The following NFIA variants were observed in gnomAD, a reference collection of about 807,000 sequenced individuals.
NFIA encodes the protein nuclear factor I A, also known as nuclear factor 1 A-type.
Under a neutral mutation model 62.8 loss-of-function variants are expected in NFIA, and 8 were observed. That is an observed-to-expected ratio of 0.13 (90% CI 0.07 to 0.23). NFIA has a LOEUF of 0.23. Among genes scored for constraint, NFIA ranks in the 10% least tolerant of loss-of-function variants. NFIA has a pLI of 1.00. For synonymous variants in NFIA, 235 were observed against 238.1 expected, an observed-to-expected ratio of 0.99 and a Z score of 0.12; for missense variants, 410 against 642.1, an observed-to-expected ratio of 0.64 and a Z score of 3.91.
chr1:61,155,884 C>CGCA (rs1557602838), intron 2 of NFIA, among the ~76,000 whole-genome samples: 1 of 152,084 alleles, frequency 6.6e-6, no homozygotes, highest in African/African-American at 2.4e-5. Flanking sequence ...CGCCTGTAAT[C>CGCA]GCAGCACTTT....
intron 3 of NFIA, among the ~76,000 whole-genome samples, chr1:61,310,176 G>A (rs543566061): frequency 6.6e-6 from 1 of 152,004 alleles, no homozygotes; most frequent in African/African-American, 2.4e-5. Flanking sequence ...TCTTTAGTGT[G>A]CTGGGCCGAT....
intron 2 of NFIA, among the ~76,000 whole-genome samples, chr1:61,245,554 G>C (rs1195129253): frequency 6.6e-6 from 1 of 152,066 alleles, no homozygotes; most frequent in African/African-American, 2.4e-5. Context: ...AATTACGTAG[G>C]TAAAGAGTGA....
At chr1:61,418,527 A>C (rs1340313501) in intron 9 of NFIA, among the ~76,000 whole-genome samples, 2 of 152,090 alleles carry the variant, frequency 1.3e-5, no homozygotes, top group East Asian at 1.9e-4. Flanking sequence ...CATATTTCCC[A>C]GTCATTTTCT....
At chr1:61,438,963 G>A (rs1391137388) in intron 10 of NFIA, among the ~76,000 whole-genome samples, 1 of 150,052 alleles carries the variant, frequency 6.7e-6, no homozygotes, top group Non-Finnish European at 1.5e-5. Flanking sequence ...CCAAGGTGAA[G>A]GCTTCGTTTT....
In NFIA at chr1:61,387,355, G is replaced by A. The variant is rs189100122; in HGVS notation, c.1075+3990G>A. 5.7e-4 allele frequency among the ~76,000 whole-genome samples: 87 copies of A among 152,226 alleles called. No individual in the cohort carries two copies. In the South Asian group the frequency reaches 0.011, roughly 20 times the overall value. On this transcript the variant is annotated intron_variant, in intron 7 of 10. Coordinates refer to ENST00000403491, the MANE Select transcript of NFIA (RefSeq NM_001134673.4). ...GTGCCTGGAAGTACAGTATGCACGT[G>A]GGTCATACAATTAAATAATCCTTTT... is the stretch of plus-strand genomic sequence containing the variant.
At chr1:61,199,862 G>T (rs1370204187) in intron 2 of NFIA, among the ~76,000 whole-genome samples, 1 of 151,434 alleles carries the variant, frequency 6.6e-6, no homozygotes, top group African/African-American at 2.4e-5. Flanking sequence ...GGGCGTGGTT[G>T]TGCGTGCCTG....
intron 10 of NFIA, among the ~76,000 whole-genome samples, chr1:61,442,007 G>C (rs1024473974): frequency 6.6e-6 from 1 of 151,816 alleles, no homozygotes; most frequent in Non-Finnish European, 1.5e-5. Flanking sequence ...AAGAACTGCC[G>C]GATGAAACTC....
At chr1:61,116,046 G>T (rs1646788713) in intron 2 of NFIA, among the ~76,000 whole-genome samples, 1 of 148,836 alleles carries the variant, frequency 6.7e-6, no homozygotes, top group Non-Finnish European at 1.5e-5. Flanking sequence ...TTGTTTTGAG[G>T]AGTCCCCTTT....
chr1:61,092,642 A>T (rs925716511), intron 2 of NFIA, among the ~76,000 whole-genome samples: 1 of 152,192 alleles, frequency 6.6e-6, no homozygotes, highest in Non-Finnish European at 1.5e-5. Context: ...AATTATTTAG[A>T]TTCTTGCTAG....
intron 2 of NFIA, among the ~76,000 whole-genome samples, chr1:61,158,297 G>A (rs1189066271): frequency 1.3e-5 from 2 of 152,052 alleles, no homozygotes; most frequent in South Asian, 4.2e-4. Context: ...ATTTTACATT[G>A]CAGGTTTTAT....
chr1:61,214,758 T>G (rs10889217), intron 2 of NFIA, among the ~76,000 whole-genome samples: 39,486 of 152,086 alleles, frequency 0.26, 6,621 homozygotes, highest in African/African-American at 0.48. Flanking sequence ...TATGTCATAT[T>G]TGACATTATA....
At chr1:61,306,415 A>G (rs1043108042) in intron 3 of NFIA, among the ~76,000 whole-genome samples, 2 of 151,696 alleles carry the variant, frequency 1.3e-5, no homozygotes, top group Admixed American at 6.6e-5. Context: ...AGCTGGGACT[A>G]CAGGCGCACA....
At chr1:61,195,185 C>CA (rs1651908000) in intron 2 of NFIA, among the ~76,000 whole-genome samples, 1 of 152,064 alleles carries the variant, frequency 6.6e-6, no homozygotes, top group Admixed American at 6.6e-5. Context: ...TCTTGGTGTA[C>CA]ATTTGTAAGT....
intron 2 of NFIA, among the ~76,000 whole-genome samples, chr1:61,273,239 G>A (rs1657621534): frequency 6.6e-6 from 1 of 152,160 alleles, no homozygotes. Flanking sequence ...TTTTAAATGT[G>A]TGAAATATTC....
chr1:61,274,006 G>A (rs377043419), intron 2 of NFIA, among the ~76,000 whole-genome samples: 7 of 152,264 alleles, frequency 4.6e-5, no homozygotes, highest in East Asian at 3.9e-4. Flanking sequence ...TTGAGGAGCC[G>A]AATATGTGTA....
chr1:61,328,275 C>T (rs575569288), intron 3 of NFIA, among the ~76,000 whole-genome samples: 24 of 152,132 alleles, frequency 1.6e-4, no homozygotes, highest in African/African-American at 3.4e-4. Flanking sequence ...GGCCTTTGCT[C>T]ATGTTAATCC....
intron 2 of NFIA, among the ~76,000 whole-genome samples, chr1:61,168,719 A>T (rs571509943): frequency 2.2e-4 from 34 of 152,346 alleles, no homozygotes; most frequent in African/African-American, 7.9e-4. Context: ...GAGGTTATGT[A>T]TCTCTTTTCT....
intron 2 of NFIA, among the ~76,000 whole-genome samples, chr1:61,155,445 G>C (rs986372284): frequency 6.6e-6 from 1 of 151,078 alleles, no homozygotes; most frequent in Non-Finnish European, 1.5e-5. Context: ...AGGCCGAGGC[G>C]GGTGGATCAT....
upstream of NFIA, among the ~76,000 whole-genome samples, chr1:61,077,814 G>A (rs997895119): frequency 2.7e-5 from 4 of 148,556 alleles, no homozygotes; most frequent in African/African-American, 7.4e-5. Flanking sequence ...TGTTGATGGT[G>A]TTTTTGCTAT....
Sources: gnomAD v4.1 joint callset for allele counts (sites outside exome capture counted in the v4.1 genomes callset) on GRCh38, gnomAD v4.1.1 for gene constraint, MANE v1.5 for transcripts, NCBI Gene and HGNC (gene_info 2026-07-23, HGNC 2026-07-21) for gene names.